The following EIF2D variants were observed in gnomAD, a reference collection of about 807,000 sequenced individuals.
EIF2D encodes eukaryotic translation initiation factor 2D.
In EIF2D, 56 loss-of-function variants were observed where a neutral mutation model predicts 77.4. The ratio of observed to expected loss-of-function variants is 0.72; its 90% confidence interval spans 0.58 to 0.90. EIF2D has a LOEUF of 0.90. EIF2D is among the 40% of genes least tolerant of loss of function. The probability of loss-of-function intolerance (pLI) is 0.00; values close to 1 mark genes in which losing one functional copy is unlikely to be tolerated. For missense variants in EIF2D, 574 were observed against 706.5 expected, an observed-to-expected ratio of 0.81 and a Z score of 2.13; for synonymous variants, 230 against 271.0, an observed-to-expected ratio of 0.85 and a Z score of 1.49.
chr1:206,583,285 T>C (rs1331153170), intron 2 of EIF2D: 1 of 1,612,484 alleles, frequency 6.2e-7, no homozygotes, highest in African/African-American at 1.3e-5. Context: ...TGTAAACCTG[T>C]GGAGGAGACA....
At chr1:206,596,708 C>A (rs1459393433) in intron 12 of EIF2D, among the ~76,000 whole-genome samples, 2 of 151,806 alleles carry the variant, frequency 1.3e-5, no homozygotes, top group Non-Finnish European at 2.9e-5. Flanking sequence ...TTTTTTGAGA[C>A]AGGGTCTCAC....
intron 13 of EIF2D, 171 bp from the exon 14 acceptor site, chr1:206,593,964 T>C (rs75214574): frequency 1.8e-6 from 1 of 551,720 alleles, no homozygotes; most frequent in East Asian, 3.1e-5. Context: ...TGCTTCTAAA[T>C]TGATTCTGTC....
Position 206,599,740 on chromosome 1 carries a change from G to T in EIF2D, c.1045C>A (p.His349Asn). 2 of 1,614,190 alleles carry T rather than the reference G, an allele frequency of 1.2e-6. No individual in the cohort carries two copies. Among genetic ancestry groups the T allele is most frequent in the South Asian group, 1.1e-5 (1 of 91,078 alleles). ...VESIVAVDWK[H>N]PRITSFVIPE... Reference sequence around the variant, plus strand: ...CAGGCCCCCTGCACTCACCTCGGGTGTTTCCAGTCCACAGCCACAATGCTC... The same window carrying T: ...CAGGCCCCCTGCACTCACCTCGGGTTTTTCCAGTCCACAGCCACAATGCTC... Residue 349 changes from histidine (H) to asparagine (N), a missense_variant, in exon 9 of 15, where the codon CAC becomes AAC. By Grantham distance (68) the His-to-Asn change is moderately conservative (BLOSUM62 1). Transcript: ENST00000271764. This position sits in a 1 kb window ranked among gnomAD's most constrained non-coding sequence, Gnocchi z 4.1.
chr1:206,593,569 G>C (rs782087646), intron 14 of EIF2D, 50 bp downstream of exon 14: 2 of 1,466,938 alleles, frequency 1.4e-6, no homozygotes, highest in African/African-American at 2.9e-5. Context: ...TGGCAGGAAG[G>C]TCTTTGCTGA....
rs1181490992 is a variant in EIF2D, at chr1:206,603,223, A to G, written c.531-19T>C. On this transcript the variant is annotated intron_variant, in intron 5 of 14. Transcript: ENST00000271764. ...AGACCGCCTGGAAAAATCTCATGTC[A>G]GAAACATCAAGCAGCAGCTCCAATA... 1 of 1,610,448 alleles carries G rather than the reference A, an allele frequency of 6.2e-7. No individual in the cohort carries two copies.
In EIF2D at chr1:206,579,840, C is replaced by G. The variant is rs1266730673; in HGVS notation, c.*254+852G>C. On this transcript the variant is annotated intron_variant and NMD_transcript_variant, in intron 4 of 5. Transcript: ENST00000472709. The surrounding 1 kb of genome is among the most constrained non-coding windows in gnomAD (Gnocchi z 4.2). ...CTTGGGTGGAAAAAGGATCCGTGAG[C>G]CCTCGTGGCTGTGGCTGGCTGGCCT... 6.6e-6 allele frequency among the ~76,000 whole-genome samples: 1 copy of G among 151,970 alleles called. No homozygotes were observed. The highest frequency in any genetic ancestry group is 1.5e-5 in the Non-Finnish European group (1 of 68,034).
intron 2 of EIF2D, chr1:206,586,592 G>C (rs1159424729): frequency 9.1e-6 from 4 of 440,884 alleles, no homozygotes; most frequent in African/African-American, 2.0e-5. Flanking sequence ...ATAAAAACAT[G>C]GTTCATAGAC....
intron 8 of EIF2D, 67 bp downstream of exon 8, chr1:206,600,196 C>T: frequency 6.7e-7 from 1 of 1,493,028 alleles, no homozygotes; most frequent in Middle Eastern, 1.7e-4. Flanking sequence ...CAGCATCCAT[C>T]TGGCTTATGT....
intron 4 of EIF2D, among the ~76,000 whole-genome samples, chr1:206,576,513 C>T (rs545211081): frequency 6.6e-6 from 1 of 152,244 alleles, no homozygotes. Context: ...GTTACAAAGG[C>T]CCATTAACTG....
chr1:206,607,555 C>T (rs537679433), intron 4 of EIF2D, among the ~76,000 whole-genome samples: 37 of 152,272 alleles, frequency 2.4e-4, no homozygotes, highest in African/African-American at 8.4e-4. Flanking sequence ...AGCCAACAAT[C>T]TGAGACCAGC....
downstream of EIF2D, among the ~76,000 whole-genome samples, chr1:206,569,834 G>A (rs1273582227): frequency 1.3e-5 from 2 of 152,010 alleles, no homozygotes; most frequent in African/African-American, 4.8e-5. Flanking sequence ...GTCATTTTTT[G>A]TGTTCATTTT....
In EIF2D at chr1:206,592,139, G is replaced by A. The variant is rs1040805669; in HGVS notation, c.1685-294C>T. ...AACATTTCTTCTCAGTACCTTGTAT[G>A]GGGTTCTTCACATAAAGAGGCTCAA... On this transcript the variant is annotated intron_variant, in intron 14 of 14. Coordinates refer to ENST00000271764, the MANE Select transcript of EIF2D (RefSeq NM_006893.3). The surrounding 1 kb of genome is among the most constrained non-coding windows in gnomAD (Gnocchi z 4.7). Among the ~76,000 whole-genome samples, 3 of 152,178 alleles carry A rather than the reference G, an allele frequency of 2.0e-5. No homozygotes were observed. Among genetic ancestry groups the A allele is most frequent in the South Asian group, 2.1e-4 (1 of 4,828 alleles).
rs567271586 is a variant in EIF2D, at chr1:206,603,128, C to A, written c.607G>T (p.Gly203Trp). ...LDSADLSEEK[G>W]SVQMDSTLQG... ...AGGGTGGAGTCCATCTGGACAGACC[C>A]CTTCTCTTCACTGAGATCTGCTGAA... Residue 203 changes from glycine (G) to tryptophan (W), a missense_variant, in exon 6 of 15, where the codon GGG (glycine) becomes TGG (tryptophan). By Grantham distance (184) the Gly-to-Trp change is radical. Transcript: ENST00000271764. 1.4e-5 allele frequency: 22 copies of A among 1,614,016 alleles called. No homozygotes were observed. The Admixed American group carries it at 3.7e-4, about 27-fold the overall frequency.
chr1:206,607,038 T>TTA (rs1670233494), intron 4 of EIF2D, among the ~76,000 whole-genome samples: 1 of 152,166 alleles, frequency 6.6e-6, no homozygotes, highest in Non-Finnish European at 1.5e-5. Flanking sequence ...AAGATAACGT[T>TTA]TGTAATAGAG....
At chr1:206,572,219 T>A (rs913291700) in intron 5 of EIF2D, among the ~76,000 whole-genome samples, 2 of 152,158 alleles carry the variant, frequency 1.3e-5, no homozygotes, top group Non-Finnish European at 2.9e-5. Context: ...CTTCAACGCA[T>A]GAAGCCAATG....
At chr1:206,578,690 G>A (rs1455467073) in intron 4 of EIF2D, among the ~76,000 whole-genome samples, 4 of 152,126 alleles carry the variant, frequency 2.6e-5, no homozygotes, top group African/African-American at 9.7e-5. Flanking sequence ...TACTGCCGGT[G>A]GGACACACGT....
At position 206,591,742 on chromosome 1, in the gene EIF2D, C is replaced by T. The variant is rs373119729; in HGVS notation, c.*33G>A. Reference sequence around the variant, plus strand: ...ATTACCAGCCCAGAGCTTGGATTTCCACCGGATCCACCACGTGAGACAAAA... The same window carrying T: ...ATTACCAGCCCAGAGCTTGGATTTCTACCGGATCCACCACGTGAGACAAAA... On this transcript the variant is annotated 3_prime_UTR_variant, in exon 15 of 15. Coordinates refer to ENST00000271764, the MANE Select transcript of EIF2D (RefSeq NM_006893.3). The T allele has an allele frequency of 3.2e-5, 52 of 1,604,724 alleles. No homozygotes were observed. The highest frequency in any genetic ancestry group is 1.6e-4 in the Middle Eastern group (1 of 6,072).
At chr1:206,587,084 G>A (rs1669149215), downstream of EIF2D, 2 of 1,399,766 alleles carry the variant, frequency 1.4e-6, no homozygotes, top group Middle Eastern at 2.4e-4. Context: ...AGGTGCATTT[G>A]TGCCTGCCCA....
At chr1:206,593,462 AAATG>A (rs1402074828) in intron 14 of EIF2D, among the ~76,000 whole-genome samples, 153 bp downstream of exon 14, 2 of 149,994 alleles carry the variant, frequency 1.3e-5, no homozygotes, top group Non-Finnish European at 3.0e-5. Context: ...ACTAAAAACT[AAATG>A]GAGAGAGAGA....
Sources: gnomAD v4.1 joint callset for allele counts (sites outside exome capture counted in the v4.1 genomes callset) on GRCh38, gnomAD v4.1.1 for gene constraint, Gnocchi (gnomAD v3.1) non-coding constraint, MANE v1.5 for transcripts, NCBI Gene and HGNC (gene_info 2026-07-23, HGNC 2026-07-21) for gene names.